TSNARE1: variants seen among roughly 807,000 people sequenced by gnomAD.
TSNARE1 encodes t-SNARE domain containing 1.
Under a neutral mutation model 62.0 loss-of-function variants are expected in TSNARE1, and 49 were observed. The observed-to-expected ratio is 0.79, with a 90% CI of 0.63 to 1.00. The LOEUF (loss-of-function observed/expected upper bound fraction) is 1.00. Among genes scored for constraint, TSNARE1 ranks in the 50% least tolerant of loss-of-function variants. TSNARE1 has a pLI of 0.00. For synonymous variants in TSNARE1, 328 were observed against 294.4 expected (o/e 1.11, Z -1.17); for missense variants, 755 against 700.1 (o/e 1.08, Z -0.88).
At chr8:142,236,752 C>T (rs1349614017) in intron 12 of TSNARE1, among the ~76,000 whole-genome samples, 1 of 152,186 alleles carries the variant, frequency 6.6e-6, no homozygotes, top group African/African-American at 2.4e-5. Flanking sequence ...CTGCCCCAGT[C>T]CCTCTCCTCA....
At chr8:142,224,704 C>A (rs1816689332) in intron 13 of TSNARE1, among the ~76,000 whole-genome samples, 1 of 147,408 alleles carries the variant, frequency 6.8e-6, no homozygotes, top group Non-Finnish European at 1.5e-5. Flanking sequence ...TGGGTTGTGG[C>A]TGTCAGAGCC....
chr8:142,288,292 C>G (rs907184681), intron 10 of TSNARE1, among the ~76,000 whole-genome samples: 1 of 152,232 alleles, frequency 6.6e-6, no homozygotes, highest in East Asian at 1.9e-4. Context: ...TGTGCACACA[C>G]GGCCACTGCA....
chr8:142,283,020 TCAGTGTCTGCCAATGAGCAGAGGC>T (rs1563823628), intron 11 of TSNARE1, among the ~76,000 whole-genome samples: 1 of 104,398 alleles, frequency 9.6e-6, no homozygotes, highest in East Asian at 3.0e-4. Context: ...AGAGGCGGGG[TCAGTGTCTGCCAATGAGCAGAGGC>T]GGGACCAGTG....
intron 12 of TSNARE1, among the ~76,000 whole-genome samples, chr8:142,249,372 G>A (rs1818042755): frequency 1.3e-5 from 2 of 152,170 alleles, no homozygotes; most frequent in Admixed American, 1.3e-4. Context: ...AGGCCAGCGT[G>A]TGTGAGAGGT....
At chr8:142,397,226 G>A (rs1837956490) in intron 1 of TSNARE1, among the ~76,000 whole-genome samples, 1 of 150,294 alleles carries the variant, frequency 6.7e-6, no homozygotes, top group South Asian at 2.1e-4. Flanking sequence ...CAGCCCCTCT[G>A]TGTGGCAGTG....
intron 2 of TSNARE1, among the ~76,000 whole-genome samples, chr8:142,347,125 G>A (rs1833475800): frequency 6.6e-6 from 1 of 152,230 alleles, no homozygotes; most frequent in African/African-American, 2.4e-5. Context: ...GTGGGGGGAA[G>A]AGGGAGAAGC....
intron 1 of TSNARE1, chr8:142,365,915 T>C: frequency 2.2e-6 from 1 of 453,316 alleles, no homozygotes; most frequent in Non-Finnish European, 4.4e-6. Context: ...ACCTACCATG[T>C]TCATGGACAG....
At chr8:142,247,165 G>A (rs572938109) in intron 12 of TSNARE1, among the ~76,000 whole-genome samples, 10 of 152,240 alleles carry the variant, frequency 6.6e-5, no homozygotes, top group South Asian at 6.2e-4. Context: ...GCCCACCGCC[G>A]AGACTCCAGA....
chr8:142,283,625 ACAGTGTCAATGAACAGAGGCAGGGC>A (rs1822124092), intron 11 of TSNARE1, among the ~76,000 whole-genome samples: 1 of 132,664 alleles, frequency 7.5e-6, no homozygotes, highest in Non-Finnish European at 1.6e-5. Flanking sequence ...AGAGGCAGGG[ACAGTGTCAATGAACAGAGGCAGGGC>A]CAGTGTCTGT....
At chr8:142,364,425 C>T (rs2130923332) in intron 1 of TSNARE1, among the ~76,000 whole-genome samples, 1 of 152,302 alleles carries the variant, frequency 6.6e-6, no homozygotes, top group African/African-American at 2.4e-5. Flanking sequence ...CACTCATTTA[C>T]ATAGCTGAGT....
intron 6 of TSNARE1, among the ~76,000 whole-genome samples, chr8:142,327,640 G>A (rs1270219270): frequency 6.6e-6 from 1 of 152,214 alleles, no homozygotes; most frequent in African/African-American, 2.4e-5. Flanking sequence ...TCAATCAAGT[G>A]GGATGGGATG....
chr8:142,338,368 G>A (rs1455715482), intron 4 of TSNARE1, among the ~76,000 whole-genome samples: 1 of 152,234 alleles, frequency 6.6e-6, no homozygotes, highest in Non-Finnish European at 1.5e-5. Context: ...TGCAGCCCCA[G>A]CACGAGGGGG....
At chr8:142,340,771 T>C (rs960644379) in intron 4 of TSNARE1, among the ~76,000 whole-genome samples, 4 of 152,216 alleles carry the variant, frequency 2.6e-5, no homozygotes, top group African/African-American at 9.6e-5. Flanking sequence ...TCTAGCCCTT[T>C]GCCTCAGACC....
intron 13 of TSNARE1, among the ~76,000 whole-genome samples, chr8:142,225,134 G>A (rs1278194223): frequency 2.1e-5 from 3 of 141,978 alleles, no homozygotes; most frequent in African/African-American, 8.0e-5. Flanking sequence ...GTCAGCCCCC[G>A]ATGGTTGCCC....
chr8:142,346,579 G>T (rs1488197443), intron 2 of TSNARE1, among the ~76,000 whole-genome samples: 1 of 152,240 alleles, frequency 6.6e-6, no homozygotes, highest in Non-Finnish European at 1.5e-5. Context: ...GCACCCCAGA[G>T]TCACAGACAC....
chr8:142,391,292 T>C, intron 1 of TSNARE1, among the ~76,000 whole-genome samples: 1 of 144,204 alleles, frequency 6.9e-6, no homozygotes, highest in Non-Finnish European at 1.5e-5. Context: ...GGGGACTCTG[T>C]AACAGACGCT....
intron 7 of TSNARE1, among the ~76,000 whole-genome samples, chr8:142,315,945 C>T (rs561192927): frequency 1.3e-5 from 2 of 152,318 alleles, no homozygotes; most frequent in African/African-American, 4.8e-5. Flanking sequence ...AGGCACTGAC[C>T]GTGCACCCAC....
At chr8:142,327,287 G>T (rs1586826129) in intron 6 of TSNARE1, among the ~76,000 whole-genome samples, 1 of 152,140 alleles carries the variant, frequency 6.6e-6, no homozygotes, top group African/African-American at 2.4e-5. Context: ...CTGGTGAATA[G>T]GTCTGTCCTC....
At chr8:142,215,604 C>G (rs1815795722) in intron 13 of TSNARE1, among the ~76,000 whole-genome samples, 1 of 152,152 alleles carries the variant, frequency 6.6e-6, no homozygotes, top group African/African-American at 2.4e-5. Flanking sequence ...GAGCTGTCCC[C>G]CGTGACCTAC....
Sources: allele counts gnomAD v4.1 joint callset (sites outside exome capture counted in the v4.1 genomes callset), GRCh38; gene constraint gnomAD v4.1.1; transcripts MANE v1.5; gene names NCBI Gene and HGNC (gene_info 2026-07-23, HGNC 2026-07-21).